Variants in H3C6 observed in about 807,000 individuals in gnomAD.
H3C6 encodes histone H3.1.
H3C6 carries 17 observed loss-of-function variants against 8.0 expected under a neutral mutation model. The observed-to-expected ratio is 2.13, with a 90% CI of 1.46 to 3.19. The LOEUF (loss-of-function observed/expected upper bound fraction) is 3.19. Ranked by LOEUF, H3C6 falls within the 30% of genes most tolerant of loss-of-function variation. H3C6 has a pLI of 0.00. For synonymous variants in H3C6, 169 were observed against 78.0 expected (o/e 2.17, Z -6.15); for missense variants, 298 against 193.8 (o/e 1.54, Z -3.19).
In H3C6 at chr6:26,225,305, G is replaced by T. The variant is rs1468692664; in HGVS notation, c.151G>T (p.Glu51Ter). ...RYRPGTVALR[E>*]IRRYQKSTEL... Reference sequence around the variant, plus strand: ...CCGCCCTGGCACCGTGGCTCTGCGCGAGATCCGTCGCTACCAGAAGTCTAC... The same window carrying T: ...CCGCCCTGGCACCGTGGCTCTGCGCTAGATCCGTCGCTACCAGAAGTCTAC... Residue 51 changes from glutamate (E) to a stop codon, truncating the protein, a stop_gained, in exon 1 of 1, where the codon GAG (glutamate) becomes TAG (stop). Coordinates refer to ENST00000614911, the MANE Select transcript of H3C6 (RefSeq NM_003532.3). LOFTEE classifies it high-confidence loss of function. 6.2e-7 allele frequency: 1 copy of T among 1,614,218 alleles called. No individual in the cohort carries two copies. The highest frequency in any genetic ancestry group is 1.1e-5 in the South Asian group (1 of 91,090).
chr6:26,224,406 G>C (rs1765583320), upstream of H3C6: 1 of 152,134 alleles, frequency 6.6e-6, no homozygotes, highest in Non-Finnish European at 1.5e-5. Context: ...CGCCATTGTT[G>C]TCTTACAGAG....
Position 26,225,607 on chromosome 6 carries a change from G to A in H3C6, c.*42G>A, listed in dbSNP as rs755028807. 1.5e-5 allele frequency: 23 copies of A among 1,575,620 alleles called. No homozygotes were observed. The highest frequency in any genetic ancestry group is 1.7e-5 in the Non-Finnish European group (20 of 1,161,572). On this transcript the variant is annotated 3_prime_UTR_variant, in exon 1 of 1. Coordinates refer to ENST00000614911, the MANE Select transcript of H3C6 (RefSeq NM_003532.3). ...ACCTTAAATCCAAAGGCTCTTCTCA[G>A]AGCCAACCACTTTGTCCGTGAAAAG...
chr6:26,225,245 C>G lies in H3C6; in HGVS notation c.91C>G (p.Pro31Ala). ...LATKAARKSA[P>A]ATGGVKKPHR... ...CACTAAGGCAGCTCGCAAGAGCGCT[C>G]CGGCCACGGGCGGCGTGAAGAAGCC... The change falls in exon 1 of 1, where the codon CCG (proline) becomes GCG (alanine). Residue 31 changes from proline (P) to alanine (A), a missense_variant. Pro to Ala is a conservative substitution (Grantham distance 27, BLOSUM62 -1). Coordinates refer to ENST00000614911, the MANE Select transcript of H3C6 (RefSeq NM_003532.3). The G allele has an allele frequency of 1.2e-6, 2 of 1,613,380 alleles. No homozygotes were observed. Among genetic ancestry groups the G allele is most frequent in the Non-Finnish European group, 1.7e-6 (2 of 1,179,574 alleles).
Position 26,225,267 on chromosome 6 carries a change from AG to A in H3C6, c.114del (p.Lys38AsnfsTer25), listed in dbSNP as rs1765603943. ...GCTCCGGCCACGGGCGGCGTGAAGA[AG>A]CCCCATCGCTACCGCCCTGGCACCG... ...KSAPATGGVKKPHRYRPGTVA... is the reference protein window; with the variant it reads ...KSAPATGGVKXPHRYRPGTVA... On this transcript the variant is annotated frameshift_variant, in exon 1 of 1. Coordinates refer to ENST00000614911, the MANE Select transcript of H3C6 (RefSeq NM_003532.3). LOFTEE classifies it high-confidence loss of function. 2 of 1,613,970 alleles carry A rather than the reference AG, an allele frequency of 1.2e-6. No individual in the cohort carries two copies. Among genetic ancestry groups the A allele is most frequent in the Non-Finnish European group, 1.7e-6 (2 of 1,179,968 alleles).
At chr6:26,225,663 C>G (rs920633617), downstream of H3C6, 14 of 1,306,980 alleles carry the variant, frequency 1.1e-5, no homozygotes, top group African/African-American at 1.2e-4. Flanking sequence ...CATTAGACCA[C>G]TAAACTGCAC....
At chr6:26,224,797 GA>G (rs139262849), upstream of H3C6, 31 of 160,816 alleles carry the variant, frequency 1.9e-4, no homozygotes, top group East Asian at 5.5e-4. Context: ...GGAGATTTTG[GA>G]AAAAAAATTC....
upstream of H3C6, chr6:26,224,186 G>T (rs1253886358): frequency 2.6e-5 from 4 of 152,230 alleles, no homozygotes; most frequent in African/African-American, 9.7e-5. Flanking sequence ...TCACAATAGT[G>T]TTAGGCTGTA....
rs771579692 is a variant in H3C6, at chr6:26,225,386, G to A, written c.232G>A (p.Asp78Asn). The change falls in exon 1 of 1, where the codon GAC becomes AAC. Residue 78 changes from aspartate (D) to asparagine (N), a missense_variant. Physicochemically the swap from Asp to Asn is conservative, Grantham distance 23. Coordinates refer to ENST00000614911, the MANE Select transcript of H3C6 (RefSeq NM_003532.3). ...FQRLVREIAQ[D>N]FKTDLRFQSS... ...GCGCCTGGTGCGAGAAATAGCTCAG[G>A]ACTTCAAGACCGACCTGCGCTTCCA... 6.2e-6 allele frequency: 10 copies of A among 1,614,142 alleles called. No homozygotes were observed. The highest frequency in any genetic ancestry group is 2.7e-5 in the African/African-American group (2 of 74,950).
chr6:26,226,464 T>C (rs1220791969), downstream of H3C6: 1 of 152,580 alleles, frequency 6.6e-6, no homozygotes, highest in Admixed American at 6.5e-5. Context: ...CGATCTCGGC[T>C]CACCGCAACC....
At chr6:26,224,497 A>G (rs1210479052), upstream of H3C6, among the ~76,000 whole-genome samples, 1 of 152,206 alleles carries the variant, frequency 6.6e-6, no homozygotes, top group African/African-American at 2.4e-5. Flanking sequence ...GGCTCTTGCC[A>G]TTATGTCTGG....
chr6:26,224,774 A>G, upstream of H3C6: 1 of 159,802 alleles, frequency 6.3e-6, no homozygotes. Flanking sequence ...AGGAAAATGC[A>G]GAAAAAAGCA....
chr6:26,225,067 G>A (rs539295974), upstream of H3C6: 22 of 1,381,128 alleles, frequency 1.6e-5, no homozygotes, highest in African/African-American at 2.8e-4. Context: ...TCACTAACAG[G>A]GATCGTCCAC....
At position 26,225,349 on chromosome 6, in the gene H3C6, G is replaced by T; in HGVS notation, c.195G>T (p.Lys65Asn). 1 of 1,614,234 alleles carries T rather than the reference G, an allele frequency of 6.2e-7. No homozygotes were observed. The highest frequency in any genetic ancestry group is 8.5e-7 in the Non-Finnish European group (1 of 1,180,034). The change falls in exon 1 of 1, where the codon AAG becomes AAT. Residue 65 changes from lysine to asparagine, a missense_variant. Transcript: ENST00000614911. ...AGTCTACCGAGCTTCTAATCCGGAA[G>T]CTGCCGTTTCAGCGCCTGGTGCGAG... ...YQKSTELLIR[K>N]LPFQRLVREI...
At chr6:26,226,928 T>A (rs965535002), downstream of H3C6, 19 of 152,244 alleles carry the variant, frequency 1.2e-4, no homozygotes, top group African/African-American at 4.1e-4. Context: ...AAATTTCTAC[T>A]AACTTTTTTG....
At position 26,225,274 on chromosome 6, in the gene H3C6, T is replaced by G; in HGVS notation, c.120T>G (p.His40Gln). Residue 40 changes from histidine to glutamine, a missense_variant, in exon 1 of 1, where the codon CAT (histidine) becomes CAG (glutamine). By Grantham distance (24) the His-to-Gln change is conservative. Coordinates refer to ENST00000614911, the MANE Select transcript of H3C6 (RefSeq NM_003532.3). ...APATGGVKKP[H>Q]RYRPGTVALR... is the part of the protein sequence containing the mutation. ...CCACGGGCGGCGTGAAGAAGCCCCA[T>G]CGCTACCGCCCTGGCACCGTGGCTC... 6.2e-7 allele frequency: 1 copy of G among 1,614,106 alleles called. No homozygotes were observed. Among genetic ancestry groups the G allele is most frequent in the Non-Finnish European group, 8.5e-7 (1 of 1,179,978 alleles).
In H3C6 at chr6:26,225,293, G is replaced by T; in HGVS notation, c.139G>T (p.Val47Leu). 6.2e-7 allele frequency: 1 copy of T among 1,614,218 alleles called. No homozygotes were observed. Among genetic ancestry groups the T allele is most frequent in the Non-Finnish European group, 8.5e-7 (1 of 1,180,024 alleles). The change falls in exon 1 of 1, where the codon GTG becomes TTG. Residue 47 changes from valine to leucine, a missense_variant. By Grantham distance (32) the Val-to-Leu change is conservative (BLOSUM62 1). Transcript: ENST00000614911. ...GCCCCATCGCTACCGCCCTGGCACC[G>T]TGGCTCTGCGCGAGATCCGTCGCTA... ...KKPHRYRPGT[V>L]ALREIRRYQK...
At chr6:26,225,032 G>A, upstream of H3C6, 2 of 1,054,612 alleles carry the variant, frequency 1.9e-6, no homozygotes, top group South Asian at 3.7e-5. Context: ...AATCTCTACG[G>A]CCACTTCCGG....
At position 26,225,572 on chromosome 6, in the gene H3C6, T is replaced by C. The variant is rs529783969; in HGVS notation, c.*7T>C. 2 of 1,610,542 alleles carry C rather than the reference T, an allele frequency of 1.2e-6. No homozygotes were observed. The highest frequency in any genetic ancestry group is 1.3e-5 in the African/African-American group (1 of 74,878). On this transcript the variant is annotated 3_prime_UTR_variant, in exon 1 of 1. Coordinates refer to ENST00000614911, the MANE Select transcript of H3C6 (RefSeq NM_003532.3). Reference sequence around the variant, plus strand: ...TCGTGGGGAGAGGGCGTGAATTGTTTTGAGTACAAACCTTAAATCCAAAGG... The same window carrying C: ...TCGTGGGGAGAGGGCGTGAATTGTTCTGAGTACAAACCTTAAATCCAAAGG...
chr6:26,225,745 C>G (rs1759532021), downstream of H3C6: 1 of 794,068 alleles, frequency 1.3e-6, no homozygotes, highest in African/African-American at 1.8e-5. Flanking sequence ...CAAATTTAAG[C>G]GCTCCCTCAG....
Sources: allele counts gnomAD v4.1 joint callset (sites outside exome capture counted in the v4.1 genomes callset), GRCh38; gene constraint gnomAD v4.1.1; transcripts MANE v1.5; gene names NCBI Gene and HGNC (gene_info 2026-07-23, HGNC 2026-07-21).